Variants in FOXN3 observed in about 807,000 individuals in gnomAD.
The protein encoded by FOXN3 is forkhead box protein N3.
Under a neutral mutation model 38.4 loss-of-function variants are expected in FOXN3, and 7 were observed. The observed-to-expected ratio is 0.18, with a 90% CI of 0.10 to 0.34. FOXN3 has a LOEUF of 0.34. Ranked by LOEUF, FOXN3 falls within the 10% of genes least tolerant of loss-of-function variation. The pLI is 1.00. For missense variants in FOXN3, 456 were observed against 613.4 expected (o/e 0.74, Z 2.71); for synonymous variants, 230 against 242.2 (o/e 0.95, Z 0.47).
intron 4 of FOXN3, among the ~76,000 whole-genome samples, chr14:89,252,694 T>C (rs1885496104): frequency 1.3e-5 from 2 of 150,346 alleles, no homozygotes; most frequent in South Asian, 4.2e-4. Context: ...TTTACATAAA[T>C]ATCTCGAAGA....
chr14:89,191,888 C>T (rs1229646689), intron 4 of FOXN3, among the ~76,000 whole-genome samples: 7 of 148,960 alleles, frequency 4.7e-5, no homozygotes, highest in East Asian at 3.9e-4. Flanking sequence ...AGTAAATTAA[C>T]TTATTTGGCA....
chr14:89,343,627 G>GC lies in FOXN3; in HGVS notation c.680+7044_680+7045insG, dbSNP rs1555419623. On this transcript the variant is annotated intron_variant, in intron 3 of 5. Coordinates refer to ENST00000557258, the MANE Select transcript of FOXN3 (RefSeq NM_005197.4). ...TTTGGAGAGGCCATTAATGTGTGTG[G>GC]TTTTTTTTTTTTTTCTTTTTTGCGG... is the stretch of plus-strand genomic sequence containing the variant. Among the ~76,000 whole-genome samples, 3 of 140,632 alleles carry GC rather than the reference G, an allele frequency of 2.1e-5. No individual in the cohort carries two copies. In the East Asian group the frequency reaches 6.1e-4, roughly 28 times the overall value. 92.3% of individuals were successfully genotyped at this position (140,632 alleles called of 152,430 possible).
At chr14:89,462,760 C>T (rs1032240731) in intron 1 of FOXN3, among the ~76,000 whole-genome samples, 6 of 151,626 alleles carry the variant, frequency 4.0e-5, no homozygotes, top group Admixed American at 2.0e-4. Context: ...TCTCGGCTCA[C>T]TGCAACCTCT....
At chr14:89,321,468 T>C (rs371513496) in intron 3 of FOXN3, among the ~76,000 whole-genome samples, 1 of 151,780 alleles carries the variant, frequency 6.6e-6, no homozygotes, top group South Asian at 2.1e-4. Context: ...CCCAGCTACT[T>C]CGGGAGGCTG....
chr14:89,337,554 T>G (rs996499394), intron 3 of FOXN3, among the ~76,000 whole-genome samples: 1 of 152,078 alleles, frequency 6.6e-6, no homozygotes, highest in Admixed American at 6.6e-5. Flanking sequence ...AGGCTTCTTT[T>G]CAAAGGAATA....
At chr14:89,260,184 C>T (rs766657860) in intron 4 of FOXN3, among the ~76,000 whole-genome samples, 6 of 152,250 alleles carry the variant, frequency 3.9e-5, no homozygotes, top group Admixed American at 2.0e-4. Context: ...CCTGCACAGT[C>T]GGTGCTTACG....
At chr14:89,506,935 G>T (rs557283977) in intron 1 of FOXN3, among the ~76,000 whole-genome samples, 1 of 152,042 alleles carries the variant, frequency 6.6e-6, no homozygotes. Flanking sequence ...CAGCATGCTC[G>T]TTAAGAGTCA....
Position 89,163,825 on chromosome 14 carries a change from G to A in FOXN3, c.852-856C>T, listed in dbSNP as rs1042568787. On this transcript the variant is annotated intron_variant, in intron 5 of 5. Transcript: ENST00000557258. This position sits in a 1 kb window ranked among gnomAD's most constrained non-coding sequence, Gnocchi z 4.3. ...AGTCACACAACTGATCACTTGCGGA[G>A]CAGGGACTGGAATCAAAGTCTGACT... 6.6e-6 allele frequency among the ~76,000 whole-genome samples: 1 copy of A among 152,202 alleles called. No individual in the cohort carries two copies. Among genetic ancestry groups the A allele is most frequent in the African/African-American group, 2.4e-5 (1 of 41,440 alleles).
chr14:89,559,822 G>A (rs180941039), intron 1 of FOXN3, among the ~76,000 whole-genome samples: 1 of 152,290 alleles, frequency 6.6e-6, no homozygotes, highest in East Asian at 1.9e-4. Flanking sequence ...CTGGGACAGG[G>A]AAGCAATAGC....
intron 4 of FOXN3, among the ~76,000 whole-genome samples, chr14:89,183,030 A>C (rs1221460516): frequency 2.6e-5 from 4 of 152,252 alleles, no homozygotes; most frequent in African/African-American, 9.6e-5. Context: ...AGGAGGAAAA[A>C]TAGCAATAAT....
At chr14:89,410,099 G>A (rs1250517729) in intron 2 of FOXN3, among the ~76,000 whole-genome samples, 4 of 125,844 alleles carry the variant, frequency 3.2e-5, no homozygotes, top group African/African-American at 8.9e-5. Flanking sequence ...CCCAAGCCCC[G>A]CGTCCCCACC....
At chr14:89,579,511 T>G (rs1476142854) in intron 1 of FOXN3, among the ~76,000 whole-genome samples, 1 of 152,182 alleles carries the variant, frequency 6.6e-6, no homozygotes, top group Non-Finnish European at 1.5e-5. Flanking sequence ...CATAAAATCC[T>G]CTAGTAGTTT....
At chr14:89,556,033 A>C (rs890277861) in intron 1 of FOXN3, among the ~76,000 whole-genome samples, 2 of 152,090 alleles carry the variant, frequency 1.3e-5, no homozygotes, top group Non-Finnish European at 2.9e-5. Flanking sequence ...GCCAGTTTTC[A>C]TCATGTAACA....
At chr14:89,296,736 A>C (rs1184347683) in intron 3 of FOXN3, among the ~76,000 whole-genome samples, 1 of 152,198 alleles carries the variant, frequency 6.6e-6, no homozygotes, top group Non-Finnish European at 1.5e-5. Flanking sequence ...CCTGGGCTCA[A>C]GCGATTCTCC....
chr14:89,268,713 G>A (rs933999817), intron 4 of FOXN3, among the ~76,000 whole-genome samples: 3 of 152,118 alleles, frequency 2.0e-5, no homozygotes, highest in Non-Finnish European at 4.4e-5. Flanking sequence ...TGGAATTCTG[G>A]CCTGGACTGG....
chr14:89,268,560 C>CAGGT (rs1247491261), intron 4 of FOXN3, among the ~76,000 whole-genome samples: 2 of 152,234 alleles, frequency 1.3e-5, no homozygotes, highest in Non-Finnish European at 2.9e-5. Flanking sequence ...AATCCAGCCA[C>CAGGT]AGGTAGGGCA....
At chr14:89,568,866 G>C (rs188851975) in intron 1 of FOXN3, among the ~76,000 whole-genome samples, 1 of 152,286 alleles carries the variant, frequency 6.6e-6, no homozygotes, top group Non-Finnish European at 1.5e-5. Context: ...TGGATGGTTT[G>C]GCCCTTTCTT....
chr14:89,462,058 A>G (rs1046421972), intron 1 of FOXN3, among the ~76,000 whole-genome samples: 2 of 152,234 alleles, frequency 1.3e-5, no homozygotes, highest in African/African-American at 2.4e-5. Context: ...GGAGCTCTGA[A>G]TACTTGCTGG....
intron 4 of FOXN3, among the ~76,000 whole-genome samples, chr14:89,234,642 C>A (rs1884926966): frequency 6.7e-6 from 1 of 149,022 alleles, no homozygotes; most frequent in Non-Finnish European, 1.5e-5. Flanking sequence ...TCTCTCTCTG[C>A]CCCCCTCCCT....
Sources: allele counts gnomAD v4.1 joint callset (sites outside exome capture counted in the v4.1 genomes callset), GRCh38; gene constraint gnomAD v4.1.1; non-coding constraint Gnocchi (gnomAD v3.1); transcripts MANE v1.5; gene names NCBI Gene and HGNC (gene_info 2026-07-23, HGNC 2026-07-21).